Variants in GRID2 observed in about 807,000 individuals in gnomAD.
GRID2 encodes the protein glutamate receptor ionotropic, delta-2.
In GRID2, 33 loss-of-function variants were observed where a neutral mutation model predicts 114.8. The observed-to-expected ratio is 0.29, with a 90% CI of 0.22 to 0.38. The LOEUF is 0.38. Among genes scored for constraint, GRID2 ranks in the 10% least tolerant of loss-of-function variants. The pLI, the probability that GRID2 is intolerant of heterozygous loss-of-function variation, is 1.00. For missense variants in GRID2, 1,184 were observed against 1,257.7 expected, an observed-to-expected ratio of 0.94 and a Z score of 0.89; for synonymous variants, 505 against 449.9, an observed-to-expected ratio of 1.12 and a Z score of -1.55.
intron 2 of GRID2, among the ~76,000 whole-genome samples, chr4:93,001,116 C>A (rs977231437): frequency 6.6e-6 from 1 of 151,540 alleles, no homozygotes; most frequent in Non-Finnish European, 1.5e-5. Flanking sequence ...AATGTTATGT[C>A]AGCAAATACA....
At chr4:92,418,354 C>G (rs972956334) in intron 1 of GRID2, among the ~76,000 whole-genome samples, 2 of 152,022 alleles carry the variant, frequency 1.3e-5, no homozygotes, top group African/African-American at 2.4e-5. Flanking sequence ...AAGGAGCAGA[C>G]CATTGAAGAC....
rs117234350 is a variant in GRID2 at position 92,702,185 on chromosome 4, A to G, written c.244+111899A>G. Among the ~76,000 whole-genome samples, 51 of 152,240 alleles carry G rather than the reference A, an allele frequency of 3.3e-4. No homozygotes were observed. In the East Asian group the frequency reaches 9.3e-3, roughly 28 times the overall value. On this transcript the variant is annotated intron_variant, in intron 2 of 15. Coordinates refer to ENST00000282020, the MANE Select transcript of GRID2 (RefSeq NM_001510.4). The stretch of plus-strand genomic sequence containing the variant: ...TGAAAGGACGAGAGAAACAGGGCCC[A>G]CTTCATAAAGCGCCCTCGCCCTATA...
chr4:93,164,205 C>T (rs1738036330), intron 4 of GRID2, among the ~76,000 whole-genome samples: 1 of 151,810 alleles, frequency 6.6e-6, no homozygotes, highest in Non-Finnish European at 1.5e-5. Context: ...AGGGAAATAC[C>T]GAACAATACA....
intron 2 of GRID2, among the ~76,000 whole-genome samples, chr4:93,012,305 T>G (rs906835714): frequency 1.3e-5 from 2 of 152,066 alleles, no homozygotes; most frequent in Non-Finnish European, 2.9e-5. Context: ...GAAATGTGTT[T>G]TTAGTCAAAA....
intron 4 of GRID2, among the ~76,000 whole-genome samples, chr4:93,142,873 T>C (rs1735894677): frequency 6.6e-6 from 1 of 152,212 alleles, no homozygotes; most frequent in African/African-American, 2.4e-5. Context: ...ATACGTCTCC[T>C]AGGCTGGAGA....
chr4:92,606,922 T>A (rs1198361826), intron 2 of GRID2, among the ~76,000 whole-genome samples: 1 of 152,018 alleles, frequency 6.6e-6, no homozygotes, highest in African/African-American at 2.4e-5. Flanking sequence ...TTCTGTGCAT[T>A]GCAAGATAAA....
intron 8 of GRID2, among the ~76,000 whole-genome samples, chr4:93,350,320 C>T (rs1017743189): frequency 2.0e-5 from 3 of 152,068 alleles, no homozygotes; most frequent in Admixed American, 2.0e-4. Flanking sequence ...TTTAGCAGTC[C>T]TCAAGAACTT....
chr4:93,039,576 A>G (rs1725291435), intron 2 of GRID2, among the ~76,000 whole-genome samples: 1 of 152,134 alleles, frequency 6.6e-6, no homozygotes, highest in African/African-American at 2.4e-5. Context: ...TGAAGTAAGG[A>G]GGAACCAGGA....
intron 8 of GRID2, among the ~76,000 whole-genome samples, chr4:93,395,216 T>C (rs1447896612): frequency 1.3e-5 from 2 of 151,962 alleles, no homozygotes; most frequent in Non-Finnish European, 2.9e-5. Context: ...TAAGATCAAA[T>C]TAAAACCATT....
intron 2 of GRID2, among the ~76,000 whole-genome samples, chr4:92,912,841 C>T (rs187564497): frequency 1.0e-3 from 158 of 151,878 alleles, no homozygotes; most frequent in Non-Finnish European, 1.9e-3. Context: ...CACATTTACA[C>T]GTATGTTTAC....
chr4:93,227,737 A>G (rs1206182612), intron 7 of GRID2, among the ~76,000 whole-genome samples: 1 of 152,222 alleles, frequency 6.6e-6, no homozygotes, highest in Non-Finnish European at 1.5e-5. Flanking sequence ...CATTGCCCCT[A>G]AGTTCTGAAT....
rs533713229 is a variant in GRID2, at chr4:92,849,225, A to G, written c.245-235770A>G. Among the ~76,000 whole-genome samples the G allele has an allele frequency of 1.4e-3, 207 of 152,082 alleles. 2 individuals are homozygous for G. The highest frequency in any genetic ancestry group is 5.9e-4 in the Non-Finnish European group (40 of 67,906). ...AGGATGAGATATCAAGCTTGAAAGC[A>G]TCTTGAGTACTATAATTTACCTATC... On this transcript the variant is annotated intron_variant, in intron 2 of 15. Coordinates refer to ENST00000282020, the MANE Select transcript of GRID2 (RefSeq NM_001510.4).
At chr4:93,200,205 T>C (rs1347754497) in intron 4 of GRID2, among the ~76,000 whole-genome samples, 3 of 152,238 alleles carry the variant, frequency 2.0e-5, no homozygotes, top group South Asian at 4.1e-4. Context: ...TTATTTTGTC[T>C]ATTTTGTTTT....
At chr4:92,432,149 G>A (rs919209035) in intron 1 of GRID2, among the ~76,000 whole-genome samples, 1 of 152,074 alleles carries the variant, frequency 6.6e-6, no homozygotes, top group African/African-American at 2.4e-5. Flanking sequence ...AGTGACACAA[G>A]CATCTTTGTG....
chr4:93,545,190 A>G (rs1357606951), intron 13 of GRID2, among the ~76,000 whole-genome samples: 1 of 152,208 alleles, frequency 6.6e-6, no homozygotes. Flanking sequence ...AGAGGCAGAT[A>G]ACAAAGAACT....
intron 1 of GRID2, among the ~76,000 whole-genome samples, chr4:92,363,351 G>A (rs1004069895): frequency 6.6e-6 from 1 of 152,068 alleles, no homozygotes; most frequent in East Asian, 1.9e-4. Flanking sequence ...CAGCTATGAG[G>A]TGTGTCTAAA....
intron 2 of GRID2, among the ~76,000 whole-genome samples, chr4:92,667,986 G>A (rs75050397): frequency 0.061 from 9,222 of 151,822 alleles, 336 homozygotes; most frequent in East Asian, 0.16. Flanking sequence ...CTTTCAGCAT[G>A]TGGTACTACC....
At position 92,487,653 on chromosome 4, in the gene GRID2, C is replaced by T. The variant is rs144540131; in HGVS notation, c.89-102478C>T. 7.7e-3 allele frequency among the ~76,000 whole-genome samples: 1,173 copies of T among 152,200 alleles called. 13 individuals carry two copies. Among genetic ancestry groups the T allele is most frequent in the African/African-American group, 0.026 (1,073 of 41,550 alleles). On this transcript the variant is annotated intron_variant, in intron 1 of 15. Coordinates refer to ENST00000282020, the MANE Select transcript of GRID2 (RefSeq NM_001510.4). ...CTATATCCCACTCCCCTGTTTTCCC[C>T]ACCCTTGCTGGCTTTACTAATTTTC...
At chr4:93,616,013 A>T (rs969185838) in intron 13 of GRID2, among the ~76,000 whole-genome samples, 8 of 152,196 alleles carry the variant, frequency 5.3e-5, no homozygotes, top group African/African-American at 9.6e-5. Flanking sequence ...GTTTTATGAT[A>T]GTCCAACATT....
Sources: gnomAD v4.1 joint callset for allele counts (sites outside exome capture counted in the v4.1 genomes callset) on GRCh38, gnomAD v4.1.1 for gene constraint, MANE v1.5 for transcripts, NCBI Gene and HGNC (gene_info 2026-07-23, HGNC 2026-07-21) for gene names.